The following ATG2A variants were observed in gnomAD, a reference collection of about 807,000 sequenced individuals.
ATG2A encodes the protein autophagy related 2A.
In ATG2A, 103 loss-of-function variants were observed where a neutral mutation model predicts 214.2. That is an observed-to-expected ratio of 0.48 (90% CI 0.41 to 0.57). The LOEUF (loss-of-function observed/expected upper bound fraction) is 0.57, where lower values mean the gene tolerates loss of function less well. ATG2A is among the 20% of genes least tolerant of loss of function. ATG2A has a pLI of 0.00. For synonymous variants in ATG2A, 1,160 were observed against 1,142.1 expected (o/e 1.02, Z -0.32); for missense variants, 2,312 against 2,613.2 (o/e 0.88, Z 2.51).
In ATG2A at chr11:64,902,685, A is replaced by G. The variant is rs2136567739; in HGVS notation, c.3613-5T>C. On this transcript the variant is annotated splice_region_variant and splice_polypyrimidine_tract_variant and intron_variant, in intron 26 of 40. Transcript: ENST00000377264. ...CAGCTCGAATAGTGGCTGGCTCTGC[A>G]GGGGCGGGGTGGGGGGAGCAGCTAT... The G allele has an allele frequency of 6.3e-7, 1 of 1,597,832 alleles. No individual in the cohort carries two copies. Among genetic ancestry groups the G allele is most frequent in the Non-Finnish European group, 8.5e-7 (1 of 1,171,330 alleles).
intron 21 of ATG2A, 31 bp from the exon 22 acceptor site, chr11:64,906,224 G>A (rs1944541862): frequency 6.2e-7 from 1 of 1,610,858 alleles, no homozygotes; most frequent in South Asian, 1.1e-5. Flanking sequence ...AGGGCAGTGG[G>A]GAGGCCAGCC....
rs184719789 is a variant in ATG2A, at chr11:64,906,319, T to C, written c.3183+15A>G. 13,802 of 1,611,542 alleles carry C rather than the reference T, an allele frequency of 8.6e-3. 59 individuals are homozygous for C. Among genetic ancestry groups the C allele is most frequent in the Non-Finnish European group, 0.011 (12,679 of 1,178,732 alleles). On this transcript the variant is annotated intron_variant, in intron 21 of 40. Coordinates refer to ENST00000377264, the MANE Select transcript of ATG2A (RefSeq NM_015104.3). ...CCAGGCTAGCAGGAGGGGTGGATGG[T>C]AGGCAAGCCCATACCTTCACATTCT... is the stretch of plus-strand genomic sequence containing the variant.
At chr11:64,897,520 T>C (rs1944196731) in intron 36 of ATG2A, 26 bp from the exon 37 acceptor site, 1 of 1,581,252 alleles carries the variant, frequency 6.3e-7, no homozygotes, top group African/African-American at 1.4e-5. Flanking sequence ...GGTCCAGGTT[T>C]ACCCAATGGG....
chr11:64,913,630 GCCTGTATCACCTGGCCT>G lies in ATG2A; in HGVS notation c.590+174_590+190del. On this transcript the variant is annotated intron_variant, in intron 4 of 40. Transcript: ENST00000377264. The surrounding 1 kb of genome is among the most constrained non-coding windows in gnomAD (Gnocchi z 4.3). ...GTTCTTGGGGCCTCGGCCACTCTGG[GCCTGTATCACCTGGCCT>G]CTGGACACCAGTCCGGGCTCACGAT... is the stretch of plus-strand genomic sequence containing the variant. 1.3e-6 allele frequency: 1 copy of G among 783,556 alleles called. No individual in the cohort carries two copies. Among genetic ancestry groups the G allele is most frequent in the Non-Finnish European group, 2.0e-6 (1 of 501,326 alleles). The allele number at this position is 783,556 out of a possible 1,614,324, so 48.5% of individuals were successfully genotyped here.
In ATG2A at chr11:64,912,412, C is replaced by A. The variant is rs377702333; in HGVS notation, c.837G>T (p.Ala279=). 6.5e-7 allele frequency: 1 copy of A among 1,549,958 alleles called. No homozygotes were observed. The highest frequency in any genetic ancestry group is 2.0e-5 in the Admixed American group (1 of 51,044). Residue 279 remains alanine, a synonymous_variant, in exon 7 of 41, where the codon GCG becomes GCT. Transcript: ENST00000377264. The part of the protein sequence containing the change: ...EAFPGPKLEV[A]GQLGSLHLLL... The stretch of plus-strand genomic sequence containing the variant: ...GCAGGTGCAGGGAGCCCAGCTGTCC[C>A]GCCACCTCCAACTGGGGGCCAAGGA...
Position 64,898,277 on chromosome 11 carries a change from C to T in ATG2A, c.4757G>A (p.Arg1586Gln), listed in dbSNP as rs772069402. The T allele has an allele frequency of 6.8e-6, 11 of 1,613,592 alleles. No individual in the cohort carries two copies. The highest frequency in any genetic ancestry group is 1.1e-5 in the South Asian group (1 of 91,056). ...CCLRVSLMPL[R>Q]LNVDQDALFF... ...ACCACTCACCTGGTCCACATTGAGC[C>T]GCAGGGGCATCAGCGAGACGCGGAG... The change falls in exon 33 of 41, where the codon CGG (arginine) becomes CAG (glutamine). Residue 1586 changes from arginine (R) to glutamine (Q), a missense_variant. Physicochemically the swap from Arg to Gln is conservative, Grantham distance 43 (BLOSUM62 1). Coordinates refer to ENST00000377264, the MANE Select transcript of ATG2A (RefSeq NM_015104.3). This position sits in a 1 kb window ranked among gnomAD's most constrained non-coding sequence, Gnocchi z 4.5.
In ATG2A at chr11:64,898,328, G is replaced by A. The variant is rs1223984606; in HGVS notation, c.4706C>T (p.Thr1569Ile). The change falls in exon 33 of 41, where the codon ACC becomes ATC. Residue 1569 changes from threonine to isoleucine, a missense_variant. Coordinates refer to ENST00000377264, the MANE Select transcript of ATG2A (RefSeq NM_015104.3). This position sits in a 1 kb window ranked among gnomAD's most constrained non-coding sequence, Gnocchi z 4.5. ...TIKALHVAPT[T>I]NLGGPECCLR... ...ACAGCACTCAGGCCCACCCAGGTTG[G>A]TAGTGGGGGCCACATGCAGCGCTTT... The A allele has an allele frequency of 6.2e-7, 1 of 1,610,140 alleles. No homozygotes were observed. Among genetic ancestry groups the A allele is most frequent in the Non-Finnish European group, 8.5e-7 (1 of 1,178,760 alleles).
intron 12 of ATG2A, 112 bp from the exon 13 acceptor site, chr11:64,910,307 T>C: frequency 7.0e-7 from 1 of 1,422,424 alleles, no homozygotes; most frequent in Non-Finnish European, 9.3e-7. Context: ...ACGAGAGCAC[T>C]AAGAAGGCCT....
At position 64,916,864 on chromosome 11, in the gene ATG2A, C is replaced by A. The variant is rs547056638; in HGVS notation, c.171+101G>T. On this transcript the variant is annotated intron_variant, in intron 1 of 40. Transcript: ENST00000377264. Reference sequence around the variant, plus strand: ...GGGCAAGATTCCCCTGGCCTCTCTACGCCCGGTGCCTGATCCCCCAGCCCG... The same window carrying A: ...GGGCAAGATTCCCCTGGCCTCTCTAAGCCCGGTGCCTGATCCCCCAGCCCG... The A allele has an allele frequency of 3.3e-6, 5 of 1,506,488 alleles. No individual in the cohort carries two copies. In the African/African-American group the frequency reaches 5.5e-5, roughly 17 times the overall value. 93.3% of individuals were successfully genotyped at this position (1,506,488 alleles called of 1,614,324 possible).
In ATG2A at chr11:64,913,359, C is replaced by T. The variant is rs750003122; in HGVS notation, c.633G>A (p.Ala211=). 1.0e-5 allele frequency: 16 copies of T among 1,600,620 alleles called. No individual in the cohort carries two copies. Among genetic ancestry groups the T allele is most frequent in the African/African-American group, 5.4e-5 (4 of 74,706 alleles). The part of the protein sequence containing the change: ...CDEAVRDPSQ[A]PPVDVHQPPA... ...GCGGCTGATGCACGTCCACCGGCGG[C>T]GCCTGGCTTGGGTCCCGCACTGCCT... The change falls in exon 5 of 41, where the codon GCG becomes GCA. Residue 211 remains alanine, a synonymous_variant. Coordinates refer to ENST00000377264, the MANE Select transcript of ATG2A (RefSeq NM_015104.3). The surrounding 1 kb of genome is among the most constrained non-coding windows in gnomAD (Gnocchi z 4.3).
chr11:64,908,007 C>A (rs1944621289), intron 16 of ATG2A, 117 bp from the exon 17 acceptor site: 1 of 1,235,818 alleles, frequency 8.1e-7, no homozygotes, highest in Non-Finnish European at 1.1e-6. Context: ...CATAGGAGCC[C>A]TTCTCTACTG....
In ATG2A at chr11:64,909,660, CT is replaced by C; in HGVS notation, c.2107+20del. On this transcript the variant is annotated intron_variant, in intron 14 of 40. Coordinates refer to ENST00000377264, the MANE Select transcript of ATG2A (RefSeq NM_015104.3). ...GAAGCCAGGCCTCTTGCCCCAAGTT[CT>C]GTCACTCGGGGGCTCTCACCATGTA... The C allele has an allele frequency of 1.9e-6, 3 of 1,605,230 alleles. No individual in the cohort carries two copies. Among genetic ancestry groups the C allele is most frequent in the Non-Finnish European group, 2.6e-6 (3 of 1,175,108 alleles).
chr11:64,907,405 C>T lies in ATG2A; in HGVS notation c.2682G>A (p.Ser894=), dbSNP rs76704701. 5.0e-5 allele frequency: 79 copies of T among 1,584,532 alleles called. No individual in the cohort carries two copies. In the East Asian group the frequency reaches 1.5e-3, roughly 31 times the overall value. ...NCFDLTPDSD[S]DDEDAHFFSV... ...AGAAGAAGTGGGCATCCTCGTCATC[C>T]GAGTCCGAGTCTGGGGTGAGATCAA... Residue 894 remains serine (S), a synonymous_variant, in exon 19 of 41, where the codon TCG becomes TCA. Coordinates refer to ENST00000377264, the MANE Select transcript of ATG2A (RefSeq NM_015104.3).
Position 64,898,859 on chromosome 11 carries a change from G to A in ATG2A, c.4465-17C>T, listed in dbSNP as rs1200822963. On this transcript the variant is annotated splice_polypyrimidine_tract_variant and intron_variant, in intron 31 of 40. Transcript: ENST00000377264. The surrounding 1 kb of genome is among the most constrained non-coding windows in gnomAD (Gnocchi z 4.5). Reference sequence around the variant, plus strand: ...GAAGCTTACCTGTGGGGTGGACAGAGGCCTGGCCAGGTAAGCAGGGCCCCA... The same window carrying A: ...GAAGCTTACCTGTGGGGTGGACAGAAGCCTGGCCAGGTAAGCAGGGCCCCA... 6.2e-7 allele frequency: 1 copy of A among 1,601,176 alleles called. No homozygotes were observed. Among genetic ancestry groups the A allele is most frequent in the Non-Finnish European group, 8.5e-7 (1 of 1,177,128 alleles).
In ATG2A at chr11:64,898,006, G is replaced by C; in HGVS notation, c.4859-32C>G. On this transcript the variant is annotated intron_variant, in intron 34 of 40. Coordinates refer to ENST00000377264, the MANE Select transcript of ATG2A (RefSeq NM_015104.3). This position sits in a 1 kb window ranked among gnomAD's most constrained non-coding sequence, Gnocchi z 4.5. ...GAGGGGAGGTCACAGACTGGGGATG[G>C]GGCCAGGAATGACTGGGAACCTGTG... 6.3e-7 allele frequency: 1 copy of C among 1,579,922 alleles called. No individual in the cohort carries two copies. Among genetic ancestry groups the C allele is most frequent in the Non-Finnish European group, 8.6e-7 (1 of 1,164,776 alleles).
chr11:64,914,348 G>A lies in ATG2A; in HGVS notation c.324C>T (p.Arg108=). ...TCGCCCTGCCCTCACCTGGACCCCGGCGGGGCTGCAAGGTGAGCTGGAGGC... is the reference window on the plus strand; with the variant it reads ...TCGCCCTGCCCTCACCTGGACCCCGACGGGGCTGCAAGGTGAGCTGGAGGC... ...VSGLQLTLQP[R]RGPAPGAADS... The change falls in exon 2 of 41, where the codon CGC becomes CGT. Residue 108 remains arginine (R), a synonymous_variant. Coordinates refer to ENST00000377264, the MANE Select transcript of ATG2A (RefSeq NM_015104.3). The A allele has an allele frequency of 6.2e-7, 1 of 1,603,944 alleles. No individual in the cohort carries two copies. Among genetic ancestry groups the A allele is most frequent in the South Asian group, 1.1e-5 (1 of 89,612 alleles).
At chr11:64,909,500 A>G in intron 14 of ATG2A, 133 bp from the exon 15 acceptor site, 1 of 1,395,076 alleles carries the variant, frequency 7.2e-7, no homozygotes, top group Non-Finnish European at 9.9e-7. Flanking sequence ...CCAGAGACAA[A>G]GGGTCCACCC....
intron 31 of ATG2A, among the ~76,000 whole-genome samples, 181 bp downstream of exon 31, chr11:64,900,313 A>T (rs1944307345): frequency 6.7e-6 from 1 of 148,772 alleles, no homozygotes; most frequent in East Asian, 2.0e-4. Flanking sequence ...ACCCCTGCAG[A>T]CTCTCCCCTG....
rs576389998 is a variant in ATG2A at position 64,911,181 on chromosome 11, C to T, written c.1323G>A (p.Thr441=). ...CAGGTGGTCCGGAAGATGGGGCAGACGTCTGAAGCAAGGTCAGGGTCACAC... is the reference window on the plus strand; with the variant it reads ...CAGGTGGTCCGGAAGATGGGGCAGATGTCTGAAGCAAGGTCAGGGTCACAC... The part of the protein sequence containing the change: ...LGGVTLTLLQ[T]SAPSSGPPDL... The change falls in exon 10 of 41, where the codon ACG becomes ACA. Residue 441 remains threonine (T), a synonymous_variant. Transcript: ENST00000377264. 34 of 1,614,140 alleles carry T rather than the reference C, an allele frequency of 2.1e-5. No individual in the cohort carries two copies. Among genetic ancestry groups the T allele is most frequent in the South Asian group, 9.9e-5 (9 of 91,078 alleles).
Sources: gnomAD v4.1 joint callset for allele counts (sites outside exome capture counted in the v4.1 genomes callset) on GRCh38, gnomAD v4.1.1 for gene constraint, Gnocchi (gnomAD v3.1) non-coding constraint, MANE v1.5 for transcripts, NCBI Gene and HGNC (gene_info 2026-07-23, HGNC 2026-07-21) for gene names.